The following PPFIA2 variants were observed in gnomAD, a reference collection of about 807,000 sequenced individuals.
PPFIA2 encodes liprin-alpha-2.
In PPFIA2, 46 loss-of-function variants were observed where a neutral mutation model predicts 175.5. The ratio of observed to expected loss-of-function variants is 0.26; its 90% CI spans 0.21 to 0.34. PPFIA2 has a LOEUF of 0.34. Ranked by LOEUF, PPFIA2 falls within the 10% of genes least tolerant of loss-of-function variation. PPFIA2 has a pLI of 1.00. For missense variants in PPFIA2, 1,179 were observed against 1,506.1 expected (o/e 0.78, Z 3.60); for synonymous variants, 568 against 511.4 (o/e 1.11, Z -1.49).
intron 22 of PPFIA2, 72 bp downstream of exon 22, chr12:81,325,705 T>C: frequency 8.7e-7 from 1 of 1,150,216 alleles, no homozygotes; most frequent in Non-Finnish European, 1.3e-6. Flanking sequence ...ACCACTCTCT[T>C]TTTAATTCCC....
intron 3 of PPFIA2, among the ~76,000 whole-genome samples, chr12:81,752,220 T>C (rs987318568): frequency 2.6e-5 from 4 of 152,164 alleles, no homozygotes; most frequent in African/African-American, 9.7e-5. Flanking sequence ...TGTAAACTAA[T>C]GAAACACTGT....
At chr12:81,434,691 T>G (rs2144685972) in intron 7 of PPFIA2, among the ~76,000 whole-genome samples, 1 of 152,196 alleles carries the variant, frequency 6.6e-6, no homozygotes, top group Admixed American at 6.5e-5. Context: ...CCAGCATTAG[T>G]GTACTGACAT....
intron 7 of PPFIA2, among the ~76,000 whole-genome samples, chr12:81,422,594 C>T (rs566431308): frequency 6.6e-6 from 1 of 152,100 alleles, no homozygotes; most frequent in Non-Finnish European, 1.5e-5. Flanking sequence ...TCACTTCTTA[C>T]ATGGACGGCA....
At chr12:81,417,420 A>G (rs1254083864) in intron 7 of PPFIA2, 1 of 151,602 alleles carries the variant, frequency 6.6e-6, no homozygotes, top group Non-Finnish European at 1.5e-5. Context: ...TAGATCTATT[A>G]TTTTAGTTCT....
At chr12:81,439,917 G>A in intron 7 of PPFIA2, 55 bp downstream of exon 7, 1 of 1,332,322 alleles carries the variant, frequency 7.5e-7, no homozygotes. Flanking sequence ...GAAACACAAG[G>A]GATGTAATGT....
chr12:81,344,971 G>T (rs1478630031), intron 18 of PPFIA2, among the ~76,000 whole-genome samples: 1 of 152,144 alleles, frequency 6.6e-6, no homozygotes, highest in Non-Finnish European at 1.5e-5. Context: ...CTGGGAAAGA[G>T]AAACTGTGGA....
intron 4 of PPFIA2, among the ~76,000 whole-genome samples, chr12:81,556,633 G>C (rs1355758806): frequency 6.6e-6 from 1 of 151,728 alleles, no homozygotes; most frequent in Non-Finnish European, 1.5e-5. Context: ...TCAATATTTT[G>C]ATAGGTTATT....
At chr12:81,372,566 G>A (rs1356175699) in intron 11 of PPFIA2, among the ~76,000 whole-genome samples, 1 of 137,152 alleles carries the variant, frequency 7.3e-6, no homozygotes, top group Non-Finnish European at 1.6e-5. Context: ...CTTGAGAACA[G>A]AGTACAAGAA....
chr12:81,612,634 A>C (rs1291314410), intron 4 of PPFIA2, among the ~76,000 whole-genome samples: 1 of 152,222 alleles, frequency 6.6e-6, no homozygotes, highest in South Asian at 2.1e-4. Context: ...CAGGATATAC[A>C]GGCAAGTGAA....
At chr12:81,546,148 TTCA>T (rs2066959078) in intron 4 of PPFIA2, 1 of 126,672 alleles carries the variant, frequency 7.9e-6, no homozygotes. Context: ...AAAAAAAAAA[TTCA>T]TCCGAGAAAG....
chr12:81,473,726 A>T (rs746004748), intron 4 of PPFIA2, among the ~76,000 whole-genome samples: 1 of 152,214 alleles, frequency 6.6e-6, no homozygotes, highest in Non-Finnish European at 1.5e-5. Context: ...TATAAAGTAT[A>T]GATCATAGTC....
chr12:81,614,608 T>C (rs759576279), intron 4 of PPFIA2, among the ~76,000 whole-genome samples: 1 of 152,188 alleles, frequency 6.6e-6, no homozygotes, highest in Non-Finnish European at 1.5e-5. Flanking sequence ...TCAAGATCTC[T>C]ACTGCCACTC....
At chr12:81,312,061 A>C (rs971336407) in intron 22 of PPFIA2, 23 of 1,147,960 alleles carry the variant, frequency 2.0e-5, no homozygotes, top group Non-Finnish European at 2.7e-5. Context: ...GAGGCAGTGC[A>C]GCTTGTGTTA....
intron 4 of PPFIA2, among the ~76,000 whole-genome samples, chr12:81,631,198 A>C (rs1729358852): frequency 6.6e-6 from 1 of 152,098 alleles, no homozygotes; most frequent in Non-Finnish European, 1.5e-5. Context: ...GCTTGGCTGG[A>C]AAGTCTATCA....
chr12:81,374,540 C>A, intron 11 of PPFIA2, 94 bp downstream of exon 11: 1 of 1,398,688 alleles, frequency 7.1e-7, no homozygotes, highest in African/African-American at 1.4e-5. Context: ...ACTTAATTTT[C>A]ATAAAGCCTA....
intron 4 of PPFIA2, among the ~76,000 whole-genome samples, chr12:81,591,432 G>A (rs962379317): frequency 6.6e-6 from 1 of 152,206 alleles, no homozygotes; most frequent in Non-Finnish European, 1.5e-5. Flanking sequence ...TAAGTAACAA[G>A]AAGCTGAATG....
chr12:81,720,367 A>G (rs1596792938), intron 3 of PPFIA2, among the ~76,000 whole-genome samples: 2 of 151,470 alleles, frequency 1.3e-5, no homozygotes, highest in Admixed American at 6.6e-5. Context: ...AAATGCACAT[A>G]CTAACTTCAT....
chr12:81,387,870 T>A (rs1325069787), intron 8 of PPFIA2, among the ~76,000 whole-genome samples: 2 of 152,066 alleles, frequency 1.3e-5, no homozygotes, highest in African/African-American at 4.8e-5. Flanking sequence ...CTGTAGAAGT[T>A]CACAATTCCC....
intron 2 of PPFIA2, among the ~76,000 whole-genome samples, chr12:81,755,093 C>T (rs1271906338): frequency 6.6e-6 from 1 of 152,172 alleles, no homozygotes; most frequent in African/African-American, 2.4e-5. Flanking sequence ...AAACAGATGT[C>T]ATAAATTATA....
Sources: gnomAD v4.1 joint callset for allele counts (sites outside exome capture counted in the v4.1 genomes callset) on GRCh38, gnomAD v4.1.1 for gene constraint, MANE v1.5 for transcripts, NCBI Gene and HGNC (gene_info 2026-07-23, HGNC 2026-07-21) for gene names.